The following LEMD3 variants were observed in gnomAD, a reference collection of about 807,000 sequenced individuals.
LEMD3 encodes the protein LEM domain containing 3, also known as inner nuclear membrane protein Man1.
Under a neutral mutation model 95.2 loss-of-function variants are expected in LEMD3, and 33 were observed. That is an observed-to-expected ratio of 0.35 (90% confidence interval 0.26 to 0.46). The LOEUF is 0.46. Among genes scored for constraint, LEMD3 ranks in the 20% least tolerant of loss-of-function variants. LEMD3 has a pLI of 1.00. For missense variants in LEMD3, 1,210 were observed against 1,192.8 expected (o/e 1.01, Z -0.21); for synonymous variants, 525 against 474.6 (o/e 1.11, Z -1.38).
At chr12:65,197,626 T>C (rs1565785712) in intron 1 of LEMD3, among the ~76,000 whole-genome samples, 1 of 152,162 alleles carries the variant, frequency 6.6e-6, no homozygotes, top group Non-Finnish European at 1.5e-5. Flanking sequence ...TTTTCATCTG[T>C]GTCTGTTTTC....
intron 1 of LEMD3, among the ~76,000 whole-genome samples, chr12:65,177,728 C>T (rs963743910): frequency 1.3e-5 from 2 of 151,058 alleles, no homozygotes; most frequent in African/African-American, 4.9e-5. Flanking sequence ...ATGTCATTGT[C>T]GTTTAAAAAA....
At chr12:65,171,197 A>T (rs1338893409) in intron 1 of LEMD3, 79 bp downstream of exon 1, 2 of 1,593,090 alleles carry the variant, frequency 1.3e-6, no homozygotes, top group Non-Finnish European at 1.7e-6. Context: ...AGCGTTTTAC[A>T]TGAAGTGACT....
At chr12:65,191,448 G>A (rs10878240) in intron 1 of LEMD3, among the ~76,000 whole-genome samples, 151,397 of 152,294 alleles carry the variant, frequency 0.99, 75,259 homozygotes, top group Middle Eastern at 1. Flanking sequence ...AGAACACTCA[G>A]TAACATACCC....
chr12:65,190,926 G>A (rs1869220386), intron 1 of LEMD3, among the ~76,000 whole-genome samples: 2 of 152,114 alleles, frequency 1.3e-5, no homozygotes, highest in Admixed American at 1.3e-4. Context: ...AAGTTGTAGA[G>A]ATAGCTTAAG....
In LEMD3 at chr12:65,232,950, C is replaced by T. The variant is rs530393430; in HGVS notation, c.1696-5552C>T. Among the ~76,000 whole-genome samples, 38 of 152,110 alleles carry T rather than the reference C, an allele frequency of 2.5e-4. No homozygotes were observed. In the South Asian group the frequency reaches 7.3e-3, roughly 29 times the overall value. Reference sequence around the variant, plus strand: ...TATGGGGCTGGATAGACTTTTATGGCCTAGAATGCTAATTACTGTTAATAA... The same window carrying T: ...TATGGGGCTGGATAGACTTTTATGGTCTAGAATGCTAATTACTGTTAATAA... On this transcript the variant is annotated intron_variant, in intron 4 of 12. Coordinates refer to ENST00000308330, the MANE Select transcript of LEMD3 (RefSeq NM_014319.5).
intron 1 of LEMD3, among the ~76,000 whole-genome samples, chr12:65,210,120 A>G (rs997969359): frequency 5.2e-5 from 6 of 114,810 alleles, no homozygotes; most frequent in African/African-American, 1.6e-4. Flanking sequence ...ATCTTAATTT[A>G]GAGGTGAATG....
intron 1 of LEMD3, among the ~76,000 whole-genome samples, chr12:65,180,064 C>T (rs956578690): frequency 3.3e-5 from 5 of 152,056 alleles, no homozygotes; most frequent in African/African-American, 2.4e-5. Flanking sequence ...CCTGCCTCCA[C>T]CTCCCAAGTA....
At chr12:65,240,479 T>A in intron 8 of LEMD3, 1 of 506,636 alleles carries the variant, frequency 2.0e-6, no homozygotes, top group Admixed American at 3.6e-5. Flanking sequence ...CTTGATTCTT[T>A]GTTGTTAGTC....
chr12:65,204,965 G>T (rs1199361595), intron 1 of LEMD3, among the ~76,000 whole-genome samples: 1 of 152,126 alleles, frequency 6.6e-6, no homozygotes, highest in African/African-American at 2.4e-5. Context: ...AAATACCCAA[G>T]ACTGGGTAAT....
At chr12:65,178,141 C>T (rs61923514) in intron 1 of LEMD3, among the ~76,000 whole-genome samples, 49,362 of 151,272 alleles carry the variant, frequency 0.33, 8,170 homozygotes, top group South Asian at 0.39. Flanking sequence ...CCATAGCAGC[C>T]GGCCTATTCT....
intron 1 of LEMD3, among the ~76,000 whole-genome samples, chr12:65,192,666 T>C (rs949787426): frequency 6.6e-6 from 1 of 152,192 alleles, no homozygotes; most frequent in East Asian, 1.9e-4. Flanking sequence ...TGCTTCTTCA[T>C]GGTACAGTTT....
At chr12:65,182,378 T>C (rs1565780492) in intron 1 of LEMD3, among the ~76,000 whole-genome samples, 1 of 152,136 alleles carries the variant, frequency 6.6e-6, no homozygotes, top group Non-Finnish European at 1.5e-5. Flanking sequence ...TTTGGAGTGA[T>C]ATATAACTGT....
In LEMD3 at chr12:65,169,975, G is replaced by C. The variant is rs866769461; in HGVS notation, c.379G>C (p.Ala127Pro). The change falls in exon 1 of 13, where the codon GCC (alanine) becomes CCC (proline). Residue 127 changes from alanine to proline, a missense_variant. By Grantham distance (27) the Ala-to-Pro change is conservative (BLOSUM62 -1). Coordinates refer to ENST00000308330, the MANE Select transcript of LEMD3 (RefSeq NM_014319.5). ...SLLGGPGGAS[A>P]APAAGSKVLL... The stretch of plus-strand genomic sequence containing the variant: ...CCTGGGAGGGCCCGGGGGCGCCTCC[G>C]CCGCCCCCGCGGCTGGCAGCAAAGT... The C allele has an allele frequency of 2.0e-6, 3 of 1,464,942 alleles. No homozygotes were observed. Among genetic ancestry groups the C allele is most frequent in the East Asian group, 2.6e-5 (1 of 37,964 alleles). 90.7% of individuals were successfully genotyped at this position (1,464,942 alleles called of 1,614,324 possible).
chr12:65,225,578 A>G (rs866775833), intron 4 of LEMD3, among the ~76,000 whole-genome samples: 6 of 151,814 alleles, frequency 4.0e-5, no homozygotes, highest in Non-Finnish European at 8.8e-5. Context: ...AAGCTATCCA[A>G]CTCTTTTGTT....
chr12:65,177,637 CT>C (rs1473892768), intron 1 of LEMD3, among the ~76,000 whole-genome samples: 1 of 151,878 alleles, frequency 6.6e-6, no homozygotes, highest in Non-Finnish European at 1.5e-5. Context: ...TAAGGGAATA[CT>C]TTTAAATGTT....
chr12:65,180,429 G>A (rs925062992), intron 1 of LEMD3, among the ~76,000 whole-genome samples: 3 of 150,312 alleles, frequency 2.0e-5, no homozygotes, highest in African/African-American at 4.9e-5. Flanking sequence ...TTACCAGGAA[G>A]AAAATAAGTT....
intron 1 of LEMD3, among the ~76,000 whole-genome samples, chr12:65,209,938 G>T (rs1252553263): frequency 6.6e-6 from 1 of 151,990 alleles, no homozygotes; most frequent in Non-Finnish European, 1.5e-5. Flanking sequence ...GTTAGTCTTA[G>T]TTGTGGCCTG....
In LEMD3 at chr12:65,170,117, C is replaced by T. The variant is rs536611944; in HGVS notation, c.521C>T (p.Pro174Leu). 3 of 1,459,542 alleles carry T rather than the reference C, an allele frequency of 2.1e-6. No homozygotes were observed. Among genetic ancestry groups the T allele is most frequent in the Admixed American group, 2.8e-5 (1 of 35,324 alleles). The allele number at this position is 1,459,542 out of a possible 1,614,324, so 90.4% of individuals were successfully genotyped here. A position where few individuals can be genotyped will look rare whatever the true frequency, so the allele number is the denominator to read the frequency against. The change falls in exon 1 of 13, where the codon CCG becomes CTG. Residue 174 changes from proline (P) to leucine (L), a missense_variant. Pro to Leu is a moderately conservative substitution (Grantham distance 98). This residue lies in a region of LEMD3 where 749 missense variants were observed against 622.9 expected (regional missense o/e 1.20). Transcript: ENST00000308330. The part of the protein sequence containing the change: ...SLQYRGLKAP[P>L]APLAASEVTN... ...CAGTACCGCGGGCTCAAAGCGCCGC[C>T]GGCGCCCCTGGCCGCCAGCGAGGTG...
chr12:65,230,174 A>C (rs1013901532), intron 4 of LEMD3, among the ~76,000 whole-genome samples: 2 of 152,140 alleles, frequency 1.3e-5, no homozygotes, highest in Non-Finnish European at 2.9e-5. Context: ...GTCTGCTTTT[A>C]TGCCAGTACC....
Sources: gnomAD v4.1 joint callset for allele counts (sites outside exome capture counted in the v4.1 genomes callset) on GRCh38, gnomAD v4.1.1 for gene constraint, gnomAD v4.1.1 regional missense constraint, MANE v1.5 for transcripts, NCBI Gene and HGNC (gene_info 2026-07-23, HGNC 2026-07-21) for gene names.